Variants in NALF1 observed in about 807,000 individuals in gnomAD.
NALF1 encodes the protein NALCN channel auxiliary factor 1, also known as family with sequence similarity 155 member A.
NALF1 carries 3 observed loss-of-function variants against 48.4 expected under a neutral mutation model. The ratio of observed to expected loss-of-function variants is 0.06; its 90% CI spans 0.03 to 0.16. The LOEUF is 0.16. NALF1 is among the 10% of genes least tolerant of loss of function. The probability of loss-of-function intolerance (pLI) is 1.00; values close to 1 mark genes in which losing one functional copy is unlikely to be tolerated. For synonymous variants in NALF1, 262 were observed against 245.7 expected (o/e 1.07, Z -0.62); for missense variants, 526 against 571.5 (o/e 0.92, Z 0.81).
chr13:107,739,435 TAATATTATATATTA>T (rs1056931802), intron 1 of NALF1, among the ~76,000 whole-genome samples: 3 of 147,118 alleles, frequency 2.0e-5, no homozygotes, highest in Admixed American at 6.9e-5. Flanking sequence ...ATAAAATATA[TAATATTATATATTA>T]TATACATGTG....
intron 1 of NALF1, among the ~76,000 whole-genome samples, chr13:107,591,163 G>C (rs373103806): frequency 1.3e-5 from 2 of 152,092 alleles, no homozygotes; most frequent in Admixed American, 6.6e-5. Flanking sequence ...ATAGTTTCGT[G>C]ATGCCAAGTA....
intron 1 of NALF1, among the ~76,000 whole-genome samples, chr13:107,854,539 G>T (rs1241221212): frequency 1.3e-5 from 2 of 152,160 alleles, no homozygotes; most frequent in Non-Finnish European, 2.9e-5. Flanking sequence ...GGGTCACTGT[G>T]ATTCCTGAGG....
At chr13:107,311,480 G>A (rs907638655) in intron 1 of NALF1, among the ~76,000 whole-genome samples, 3 of 151,838 alleles carry the variant, frequency 2.0e-5, no homozygotes, top group South Asian at 2.1e-4. Flanking sequence ...TGGCTTAGAT[G>A]TAAAGGCTGT....
At chr13:107,627,742 A>G (rs2138445815) in intron 1 of NALF1, among the ~76,000 whole-genome samples, 1 of 152,218 alleles carries the variant, frequency 6.6e-6, no homozygotes, top group South Asian at 2.1e-4. Flanking sequence ...ATAGGCTATT[A>G]TTAGAAATAT....
chr13:107,348,665 C>G (rs908904154), intron 1 of NALF1, among the ~76,000 whole-genome samples: 2 of 151,588 alleles, frequency 1.3e-5, no homozygotes, highest in African/African-American at 2.4e-5. Flanking sequence ...CATTGTTCAA[C>G]TCCCACTTAT....
intron 1 of NALF1, among the ~76,000 whole-genome samples, chr13:107,412,691 G>A (rs1242580961): frequency 6.6e-6 from 1 of 152,160 alleles, no homozygotes; most frequent in Non-Finnish European, 1.5e-5. Context: ...TAAGACAATT[G>A]TTCAGTCAGT....
rs1377287384 is a variant in NALF1 at position 107,739,077 on chromosome 13, G to T, written c.915+126605C>A. On this transcript the variant is annotated intron_variant, in intron 1 of 2. Coordinates refer to ENST00000375915, the MANE Select transcript of NALF1 (RefSeq NM_001080396.3). ...ATACAGGGACAGAAAACCAAACACCGCATGTTCCACTCATAAGTGGGAGTT... is the reference window on the plus strand; with the variant it reads ...ATACAGGGACAGAAAACCAAACACCTCATGTTCCACTCATAAGTGGGAGTT... 3.9e-5 allele frequency among the ~76,000 whole-genome samples: 6 copies of T among 152,148 alleles called. No individual in the cohort carries two copies. In the East Asian group the frequency reaches 1.2e-3, roughly 29 times the overall value.
At chr13:107,630,139 T>C (rs1163811549) in intron 1 of NALF1, among the ~76,000 whole-genome samples, 1 of 151,832 alleles carries the variant, frequency 6.6e-6, no homozygotes, top group African/African-American at 2.4e-5. Flanking sequence ...CTGCTCAAGG[T>C]CATCGCCAAG....
chr13:107,773,899 A>G (rs1216514092), intron 1 of NALF1, among the ~76,000 whole-genome samples: 2 of 152,162 alleles, frequency 1.3e-5, no homozygotes, highest in Non-Finnish European at 2.9e-5. Flanking sequence ...AAATAAAATG[A>G]GTGTCACTAT....
intron 1 of NALF1, among the ~76,000 whole-genome samples, chr13:107,247,149 T>C (rs1880602107): frequency 6.6e-6 from 1 of 152,124 alleles, no homozygotes; most frequent in African/African-American, 2.4e-5. Flanking sequence ...GGAGAAAAAA[T>C]AGATGGAAAT....
intron 1 of NALF1, among the ~76,000 whole-genome samples, chr13:107,816,682 A>G (rs1879173763): frequency 6.6e-6 from 1 of 152,176 alleles, no homozygotes; most frequent in Non-Finnish European, 1.5e-5. Context: ...GTTTTTATTG[A>G]CAACAAAGCA....
At chr13:107,312,731 G>T (rs1441526226) in intron 1 of NALF1, among the ~76,000 whole-genome samples, 1 of 152,112 alleles carries the variant, frequency 6.6e-6, no homozygotes. Flanking sequence ...AGAAATAAAA[G>T]AAAATGGAGA....
intron 1 of NALF1, among the ~76,000 whole-genome samples, chr13:107,465,495 T>G (rs1884987797): frequency 6.6e-6 from 1 of 152,158 alleles, no homozygotes; most frequent in South Asian, 2.1e-4. Context: ...CACACAAGAT[T>G]CTGATGAGCA....
intron 1 of NALF1, among the ~76,000 whole-genome samples, chr13:107,485,242 C>T (rs1420183847): frequency 2.6e-5 from 4 of 152,116 alleles, no homozygotes; most frequent in East Asian, 3.9e-4. Flanking sequence ...TGCCTCTCTT[C>T]GTGATTGCCA....
At chr13:107,503,820 G>A (rs980219730) in intron 1 of NALF1, among the ~76,000 whole-genome samples, 50 of 148,740 alleles carry the variant, frequency 3.4e-4, no homozygotes, top group Non-Finnish European at 8.9e-5. Context: ...AAAAAAAGAA[G>A]ACCCTGCCAT....
intron 1 of NALF1, among the ~76,000 whole-genome samples, chr13:107,457,915 T>G (rs893577746): frequency 3.9e-5 from 6 of 152,204 alleles, no homozygotes; most frequent in Non-Finnish European, 7.3e-5. Flanking sequence ...TTCCACCTTT[T>G]GTATTATTTC....
chr13:107,295,530 T>TAACA (rs1881708810), intron 1 of NALF1, among the ~76,000 whole-genome samples: 1 of 152,162 alleles, frequency 6.6e-6, no homozygotes, highest in South Asian at 2.1e-4. Flanking sequence ...TCCCTCCCAA[T>TAACA]AACATCCACT....
At chr13:107,545,370 C>T (rs1220026251) in intron 1 of NALF1, among the ~76,000 whole-genome samples, 2 of 152,162 alleles carry the variant, frequency 1.3e-5, no homozygotes, top group African/African-American at 4.8e-5. Flanking sequence ...ACAGACCCTC[C>T]AACACCATGA....
intron 1 of NALF1, among the ~76,000 whole-genome samples, chr13:107,626,701 A>G (rs1178487663): frequency 2.6e-5 from 4 of 152,066 alleles, no homozygotes; most frequent in Non-Finnish European, 5.9e-5. Context: ...CAAATATCAC[A>G]TGTTCCCACT....
Sources: gnomAD v4.1 joint callset for allele counts (sites outside exome capture counted in the v4.1 genomes callset) on GRCh38, gnomAD v4.1.1 for gene constraint, MANE v1.5 for transcripts, NCBI Gene and HGNC (gene_info 2026-07-23, HGNC 2026-07-21) for gene names.